ANKRD17: variants seen among roughly 807,000 people sequenced by gnomAD.
The protein encoded by ANKRD17 is ankyrin repeat domain 17, also known as ankyrin repeat domain-containing protein 17.
Under a neutral mutation model 229.7 loss-of-function variants are expected in ANKRD17, and 19 were observed. The observed-to-expected ratio is 0.08, with a 90% CI of 0.06 to 0.12. ANKRD17 has a LOEUF of 0.12. Ranked by LOEUF, ANKRD17 falls within the 10% of genes least tolerant of loss-of-function variation. ANKRD17 has a pLI of 1.00. For synonymous variants in ANKRD17, 1,112 were observed against 1,146.1 expected (o/e 0.97, Z 0.60); for missense variants, 2,176 against 3,176.8 (o/e 0.68, Z 7.57).
intron 1 of ANKRD17, among the ~76,000 whole-genome samples, chr4:73,177,848 CTT>C (rs565970897): frequency 5.9e-5 from 9 of 152,098 alleles, no homozygotes; most frequent in Non-Finnish European, 1.3e-4. Context: ...GTTGTGAAAA[CTT>C]TAACTGTGAA....
At chr4:73,243,475 C>T (rs1229262159) in intron 1 of ANKRD17, among the ~76,000 whole-genome samples, 1 of 152,004 alleles carries the variant, frequency 6.6e-6, no homozygotes, top group African/African-American at 2.4e-5. Flanking sequence ...AGTCTACCTC[C>T]TACATAGGGT....
chr4:73,161,355 T>G lies in ANKRD17; in HGVS notation c.548-7A>C. The G allele has an allele frequency of 1.2e-6, 2 of 1,613,796 alleles. No homozygotes were observed. Among genetic ancestry groups the G allele is most frequent in the South Asian group, 2.2e-5 (2 of 91,016 alleles). ...GTGGACAATTTTCCTATTCCTATTA[T>G]ATTATTTTCACACCAATATGGACAC... On this transcript the variant is annotated splice_region_variant and splice_polypyrimidine_tract_variant and intron_variant, in intron 2 of 33. Coordinates refer to ENST00000358602, the MANE Select transcript of ANKRD17 (RefSeq NM_032217.5).
intron 7 of ANKRD17, among the ~76,000 whole-genome samples, chr4:73,150,902 G>A (rs1352150731): frequency 6.6e-6 from 1 of 152,012 alleles, no homozygotes; most frequent in African/African-American, 2.4e-5. Flanking sequence ...CTCGAGAGAG[G>A]GGAAATTATG....
At chr4:73,205,542 C>A (rs1343588136) in intron 1 of ANKRD17, among the ~76,000 whole-genome samples, 1 of 151,816 alleles carries the variant, frequency 6.6e-6, no homozygotes, top group Non-Finnish European at 1.5e-5. Flanking sequence ...TACTGACATG[C>A]AAAAAAATGC....
At chr4:73,090,167 T>C (rs1578012164) in intron 29 of ANKRD17, among the ~76,000 whole-genome samples, 1 of 152,178 alleles carries the variant, frequency 6.6e-6, no homozygotes, top group Non-Finnish European at 1.5e-5. Context: ...CCTAGCACTT[T>C]GGGAGGCCAA....
At chr4:73,079,886 G>A (rs911781218) in intron 30 of ANKRD17, among the ~76,000 whole-genome samples, 10 of 151,826 alleles carry the variant, frequency 6.6e-5, no homozygotes, top group Non-Finnish European at 1.5e-4. Flanking sequence ...AGGCCAAGGC[G>A]GGCGGATCAT....
chr4:73,257,007 G>A (rs573238123), intron 1 of ANKRD17, among the ~76,000 whole-genome samples: 1 of 152,190 alleles, frequency 6.6e-6, no homozygotes, highest in Non-Finnish European at 1.5e-5. Flanking sequence ...ACAGAGACCA[G>A]GATTCAATAA....
At chr4:73,156,499 G>A (rs1019400257) in intron 3 of ANKRD17, among the ~76,000 whole-genome samples, 1 of 152,192 alleles carries the variant, frequency 6.6e-6, no homozygotes, top group Admixed American at 6.5e-5. Context: ...GTAATCACCG[G>A]TGTTGGGGAA....
chr4:73,255,179 C>T (rs575448423), intron 1 of ANKRD17, among the ~76,000 whole-genome samples: 1 of 152,308 alleles, frequency 6.6e-6, no homozygotes, highest in South Asian at 2.1e-4. Context: ...AAATCCTATT[C>T]TCAATAACCT....
chr4:73,165,853 TA>T (rs1000742162), intron 2 of ANKRD17, among the ~76,000 whole-genome samples: 11 of 151,958 alleles, frequency 7.2e-5, no homozygotes, highest in Non-Finnish European at 1.2e-4. Flanking sequence ...TGACAGCCCA[TA>T]AAAAAAATCA....
At position 73,124,907 on chromosome 4, in the gene ANKRD17, C is replaced by T; in HGVS notation, c.3492+6G>A. On this transcript the variant is annotated splice_donor_region_variant and intron_variant, in intron 18 of 33. Transcript: ENST00000358602. ...GGAAAACAATTACACTAAGGGGAAA[C>T]ATTACCTCCTGTCTTCCCCCAGAAC... 6.2e-7 allele frequency: 1 copy of T among 1,613,484 alleles called. No individual in the cohort carries two copies. Among genetic ancestry groups the T allele is most frequent in the Non-Finnish European group, 8.5e-7 (1 of 1,179,764 alleles).
intron 16 of ANKRD17, among the ~76,000 whole-genome samples, chr4:73,133,391 T>TG (rs1317925671): frequency 6.8e-6 from 1 of 146,184 alleles, no homozygotes; most frequent in Non-Finnish European, 1.5e-5. Flanking sequence ...TGTCTCGTGT[T>TG]TTTTTTTTTT....
At chr4:73,217,141 T>C (rs558609675) in intron 1 of ANKRD17, among the ~76,000 whole-genome samples, 64 of 152,324 alleles carry the variant, frequency 4.2e-4, no homozygotes, top group African/African-American at 1.5e-3. Context: ...CTCCATAACA[T>C]GCACTAATTA....
chr4:73,158,549 C>A (rs1372609717), intron 3 of ANKRD17, among the ~76,000 whole-genome samples: 1 of 140,162 alleles, frequency 7.1e-6, no homozygotes, highest in Non-Finnish European at 1.6e-5. Context: ...GAGGACTTCT[C>A]TGACCACGCT....
chr4:73,091,302 T>A lies in ANKRD17; in HGVS notation c.6326A>T (p.Gln2109Leu). The change falls in exon 29 of 34, where the codon CAA becomes CTA. Residue 2109 changes from glutamine to leucine, a missense_variant. Around this residue, in one of 18 missense-constraint regions of ANKRD17, gnomAD observed 424 missense variants for 454.0 expected, o/e 0.93. Coordinates refer to ENST00000358602, the MANE Select transcript of ANKRD17 (RefSeq NM_032217.5). ...CTGAGAAACAGATCCCGGAGGTTGT[T>A]GCTGATTAGAATGAGCTGATGAACT... ...SGSSSAHSNQ[Q>L]QPPGSVSQEP... 6.2e-7 allele frequency: 1 copy of A among 1,614,190 alleles called. No homozygotes were observed. Among genetic ancestry groups the A allele is most frequent in the Non-Finnish European group, 8.5e-7 (1 of 1,180,038 alleles).
At chr4:73,237,558 A>T (rs1033789402) in intron 1 of ANKRD17, among the ~76,000 whole-genome samples, 2 of 152,212 alleles carry the variant, frequency 1.3e-5, no homozygotes, top group African/African-American at 4.8e-5. Flanking sequence ...AAGAAAAGGA[A>T]GAAAAGGTAC....
rs543177505 is a variant in ANKRD17 at position 73,145,195 on chromosome 4, C to T, written c.1870-363G>A. Among the ~76,000 whole-genome samples the T allele has an allele frequency of 3.9e-5, 6 of 152,262 alleles. No individual in the cohort carries two copies. In the East Asian group the frequency reaches 1.2e-3, roughly 29 times the overall value. ...TGCATGTATGGTACTCTAGCATGGCCTTCTCCGAACAATCAATATAATGAG... is the reference window on the plus strand; with the variant it reads ...TGCATGTATGGTACTCTAGCATGGCTTTCTCCGAACAATCAATATAATGAG... On this transcript the variant is annotated intron_variant, in intron 10 of 33. Transcript: ENST00000358602.
chr4:73,121,546 A>T (rs758015175), intron 19 of ANKRD17, 71 bp downstream of exon 19: 5 of 1,575,678 alleles, frequency 3.2e-6, no homozygotes, highest in Non-Finnish European at 4.3e-6. Flanking sequence ...GGCACTAAAA[A>T]ATAGGTGTTC....
At chr4:73,155,984 A>C (rs1731611990) in intron 4 of ANKRD17, 35 bp downstream of exon 4, 7 of 1,540,344 alleles carry the variant, frequency 4.5e-6, no homozygotes, top group African/African-American at 1.4e-5. Context: ...GTTTTTAAAA[A>C]AACAACAAAT....
Sources: allele counts gnomAD v4.1 joint callset (sites outside exome capture counted in the v4.1 genomes callset), GRCh38; gene constraint gnomAD v4.1.1; regional missense constraint gnomAD v4.1.1; transcripts MANE v1.5; gene names NCBI Gene and HGNC (gene_info 2026-07-23, HGNC 2026-07-21).